PRKX: variants seen among roughly 807,000 people sequenced by gnomAD.
PRKX encodes cAMP-dependent protein kinase catalytic subunit PRKX.
Under a neutral mutation model 22.0 loss-of-function variants are expected in PRKX, and 12 were observed. That is an observed-to-expected ratio of 0.54 (90% CI 0.35 to 0.88). The LOEUF is 0.88. Among genes scored for constraint, PRKX ranks in the 40% least tolerant of loss-of-function variants. The pLI is 0.01. For synonymous variants in PRKX, 134 were observed against 137.7 expected (o/e 0.97, Z 0.19); for missense variants, 217 against 308.0 (o/e 0.70, Z 2.21).
chrX:3,706,997 C>A (rs1603474964), intron 1 of PRKX, among the ~76,000 whole-genome samples: 2 of 111,406 alleles, frequency 1.8e-5, no homozygotes, highest in Middle Eastern at 9.1e-3. Flanking sequence ...TGTGGTGGTG[C>A]ACGTCTGCAG....
intron 1 of PRKX, among the ~76,000 whole-genome samples, chrX:3,708,366 G>A (rs769823211): frequency 6.6e-4 from 73 of 110,842 alleles, no homozygotes; most frequent in African/African-American, 2.3e-3. Flanking sequence ...TGCCTGAACC[G>A]ACTAACTTGA....
intron 2 of PRKX, among the ~76,000 whole-genome samples, chrX:3,663,461 CACACACAA>C (rs1927651543): frequency 1.3e-5 from 1 of 78,733 alleles, no homozygotes; most frequent in African/African-American, 4.6e-5. Context: ...CACACACACA[CACACACAA>C]AAAAATTCAA....
intron 1 of PRKX, among the ~76,000 whole-genome samples, chrX:3,708,681 A>G (rs1345794117): frequency 9.1e-6 from 1 of 109,348 alleles, no homozygotes; most frequent in Non-Finnish European, 1.9e-5. Flanking sequence ...CCTAATCAAC[A>G]TGGAGAAACC....
At chrX:3,659,216 T>C (rs1219029749) in intron 2 of PRKX, among the ~76,000 whole-genome samples, 1 of 106,856 alleles carries the variant, frequency 9.4e-6, no homozygotes, top group South Asian at 4.2e-4. Flanking sequence ...ACAACATCAC[T>C]GTACTCCAAC....
Position 3,713,547 on chromosome X carries a change from G to C in PRKX, c.-294C>G, listed in dbSNP as rs755556312. The C allele has an allele frequency of 5.9e-3, 1,129 of 190,185 alleles. 4 individuals carry two copies. Among genetic ancestry groups the C allele is most frequent in the Middle Eastern group, 0.027 (16 of 584 alleles). The allele number at this position is 190,185 out of a possible 1,213,427, so 15.7% of individuals were successfully genotyped here. On this transcript the variant is annotated 5_prime_UTR_variant, in exon 1 of 9. Transcript: ENST00000262848. Reference sequence around the variant, plus strand: ...GAAGGCGGGGGCCGCGGCCCGGGCTGGGGGGGGCGAGGCGGGGGCCCTGCG... The same window carrying C: ...GAAGGCGGGGGCCGCGGCCCGGGCTCGGGGGGGCGAGGCGGGGGCCCTGCG...
rs549874398 is a variant in PRKX, at chrX:3,701,905, C to T, written c.166+11183G>A. On this transcript the variant is annotated intron_variant, in intron 1 of 8. Coordinates refer to ENST00000262848, the MANE Select transcript of PRKX (RefSeq NM_005044.5). ...CTATTTGGTCTAAAAAGGGGAGGCA[C>T]GAATAATTCACCTTTCGTTTACCAT... Among the ~76,000 whole-genome samples the T allele has an allele frequency of 9.9e-4, 111 of 111,840 alleles. 1 individual carries two copies. In the South Asian group the frequency reaches 0.035, roughly 35 times the overall value.
chrX:3,615,092 C>G (rs1416626221), intron 7 of PRKX, among the ~76,000 whole-genome samples: 1 of 91,739 alleles, frequency 1.1e-5, no homozygotes, highest in Non-Finnish European at 2.0e-5. Flanking sequence ...AATCTTGGCT[C>G]ACTGCAACCT....
chrX:3,659,260 G>GAAA (rs760217375), intron 2 of PRKX, among the ~76,000 whole-genome samples: 2 of 85,527 alleles, frequency 2.3e-5, no homozygotes, highest in Non-Finnish European at 2.3e-5. Context: ...TTTCTAAAAG[G>GAAA]AAAAAAAAAA....
At chrX:3,636,818 G>A (rs778055913) in intron 4 of PRKX, among the ~76,000 whole-genome samples, 201 of 111,094 alleles carry the variant, frequency 1.8e-3, no homozygotes, top group African/African-American at 5.7e-3. Flanking sequence ...CAAGATTTGC[G>A]CCACTGCAGT....
At chrX:3,683,778 G>A (rs1168665996) in intron 1 of PRKX, among the ~76,000 whole-genome samples, 2 of 111,987 alleles carry the variant, frequency 1.8e-5, no homozygotes, top group Non-Finnish European at 3.8e-5. Flanking sequence ...GGTCGAGGCT[G>A]CAGTGAGCTA....
rs1926182564 is a variant in PRKX, at chrX:3,606,724, A to C, written c.*2245T>G. On this transcript the variant is annotated 3_prime_UTR_variant, in exon 9 of 9. Transcript: ENST00000262848. ...AGTGATTGCTCCATGTTTATAGCTC[A>C]TTTTGATTAAATTAACCTCTACATG... The C allele has an allele frequency of 1.8e-5, 2 of 111,991 alleles. No homozygotes were observed. Among genetic ancestry groups the C allele is most frequent in the Admixed American group, 1.9e-4 (2 of 10,557 alleles). The allele number at this position is 111,991 out of a possible 1,213,427, so 9.2% of individuals were successfully genotyped here. A position where few individuals can be genotyped will look rare whatever the true frequency, so the allele number is the denominator to read the frequency against.
chrX:3,687,682 G>A (rs1340366362), intron 1 of PRKX, among the ~76,000 whole-genome samples: 6 of 110,462 alleles, frequency 5.4e-5, no homozygotes, highest in African/African-American at 2.0e-4. Context: ...GCATCCCAGG[G>A]GCTAAAAAAA....
At position 3,701,275 on chromosome X, in the gene PRKX, A is replaced by ATTTTT. The variant is rs200514701; in HGVS notation, c.166+11812_166+11813insAAAAA. On this transcript the variant is annotated intron_variant, in intron 1 of 8. Coordinates refer to ENST00000262848, the MANE Select transcript of PRKX (RefSeq NM_005044.5). ...AGGTATGCGCCACCACACACGGCTGATTTTATTTTTTGTAAAGACAAGGTC... is the reference window on the plus strand; with the variant it reads ...AGGTATGCGCCACCACACACGGCTGATTTTTTTTTATTTTTTGTAAAGACAAGGTC... Among the ~76,000 whole-genome samples the ATTTTT allele has an allele frequency of 1.0e-3, 111 of 110,492 alleles. 1 individual carries two copies. The highest frequency in any genetic ancestry group is 9.2e-3 in the South Asian group (24 of 2,603).
At position 3,639,982 on chromosome X, in the gene PRKX, G is replaced by A. The variant is rs768927446; in HGVS notation, c.719+1870C>T. Among the ~76,000 whole-genome samples the A allele has an allele frequency of 1.2e-4, 13 of 111,352 alleles. No individual in the cohort carries two copies. In the South Asian group the frequency reaches 2.6e-3, roughly 22 times the overall value. On this transcript the variant is annotated intron_variant, in intron 4 of 8. Coordinates refer to ENST00000262848, the MANE Select transcript of PRKX (RefSeq NM_005044.5). Reference sequence around the variant, plus strand: ...CACCAGCAGGACCTGGCTTAGACACGCCTTCCAGGCAGGAGAATGCCTCTC... The same window carrying A: ...CACCAGCAGGACCTGGCTTAGACACACCTTCCAGGCAGGAGAATGCCTCTC...
intron 7 of PRKX, 53 bp from the exon 8 acceptor site, chrX:3,612,378 T>C (rs977248043): frequency 6.1e-6 from 7 of 1,155,104 alleles, no homozygotes; most frequent in Non-Finnish European, 8.1e-6. Flanking sequence ...ACGGGACACT[T>C]GGATGCTGCA....
intron 1 of PRKX, among the ~76,000 whole-genome samples, chrX:3,696,585 C>T (rs1442538010): frequency 8.9e-6 from 1 of 111,756 alleles, no homozygotes; most frequent in Non-Finnish European, 1.9e-5. Flanking sequence ...GTACTCGAAG[C>T]GCGGGTTCCA....
At chrX:3,701,171 C>G in intron 1 of PRKX, among the ~76,000 whole-genome samples, 1 of 110,159 alleles carries the variant, frequency 9.1e-6, no homozygotes, top group Non-Finnish European at 1.9e-5. Flanking sequence ...TGCAGTGGCG[C>G]CATCATAGCT....
chrX:3,641,269 G>A (rs1206040737), intron 4 of PRKX, among the ~76,000 whole-genome samples: 3 of 111,343 alleles, frequency 2.7e-5, no homozygotes, highest in Non-Finnish European at 5.7e-5. Flanking sequence ...ACAGACATAC[G>A]GTTTTAGGAA....
intron 4 of PRKX, among the ~76,000 whole-genome samples, chrX:3,630,840 A>G (rs1423095448): frequency 9.0e-6 from 1 of 111,438 alleles, no homozygotes; most frequent in African/African-American, 3.3e-5. Context: ...CACCTCCAAC[A>G]CTGGGGATTA....
Sources: allele counts gnomAD v4.1 joint callset (sites outside exome capture counted in the v4.1 genomes callset), GRCh38; gene constraint gnomAD v4.1.1; transcripts MANE v1.5; gene names NCBI Gene and HGNC (gene_info 2026-07-23, HGNC 2026-07-21).